The following KCTD4 variants were observed in gnomAD, a reference collection of about 807,000 sequenced individuals.
KCTD4 encodes the protein BTB/POZ domain-containing protein KCTD4.
Under a neutral mutation model 18.3 loss-of-function variants are expected in KCTD4, and 12 were observed. The observed-to-expected ratio is 0.66, with a 90% CI of 0.42 to 1.06. The LOEUF is 1.06. KCTD4 is among the 50% of genes least tolerant of loss of function. The pLI, the probability that KCTD4 is intolerant of heterozygous loss-of-function variation, is 0.00. For synonymous variants in KCTD4, 124 were observed against 110.5 expected (o/e 1.12, Z -0.76); for missense variants, 250 against 303.4 (o/e 0.82, Z 1.31).
chr13:45,198,662 A>G (rs530979888), intron 1 of KCTD4, among the ~76,000 whole-genome samples: 1 of 152,164 alleles, frequency 6.6e-6, no homozygotes, highest in African/African-American at 2.4e-5. Context: ...TTTTACTTAA[A>G]TCTGACAGTA....
intron 1 of KCTD4, among the ~76,000 whole-genome samples, chr13:45,198,820 A>G (rs950767656): frequency 3.3e-5 from 5 of 151,992 alleles, no homozygotes; most frequent in African/African-American, 4.8e-5. Flanking sequence ...CACTGAATGT[A>G]AGAAACATTC....
chr13:45,195,028 C>A (rs1424200872), intron 1 of KCTD4, among the ~76,000 whole-genome samples: 1 of 152,048 alleles, frequency 6.6e-6, no homozygotes, highest in African/African-American at 2.4e-5. Flanking sequence ...GATTTAGTGT[C>A]ATCTTTTTAA....
Position 45,193,515 on chromosome 13 carries a change from CAAAT to C in KCTD4, c.*269_*272del, listed in dbSNP as rs574459832. ...TCTGAATTGAAAGACAGCTTAAGGA[CAAAT>C]AAATAGCAAAAGCTTTCAGTCTTTA... On this transcript the variant is annotated 3_prime_UTR_variant, in exon 2 of 2. Coordinates refer to ENST00000379108, the MANE Select transcript of KCTD4 (RefSeq NM_198404.3). 1.2e-4 allele frequency: 39 copies of C among 331,200 alleles called. No homozygotes were observed. Among genetic ancestry groups the C allele is most frequent in the Non-Finnish European group, 2.0e-4 (36 of 182,758 alleles). 20.5% of individuals were successfully genotyped at this position (331,200 alleles called of 1,614,324 possible). A position where few individuals can be genotyped will look rare whatever the true frequency, so the allele number is the denominator to read the frequency against.
In KCTD4 at chr13:45,194,723, G is replaced by A. The variant is rs1593483931; in HGVS notation, c.-156C>T. 4.5e-6 allele frequency: 3 copies of A among 664,422 alleles called. No individual in the cohort carries two copies. In the East Asian group the frequency reaches 8.0e-5, roughly 18 times the overall value. The allele number at this position is 664,422 out of a possible 1,614,324, so 41.2% of individuals were successfully genotyped here. A position where few individuals can be genotyped will look rare whatever the true frequency, so the allele number is the denominator to read the frequency against. On this transcript the variant is annotated 5_prime_UTR_variant, in exon 2 of 2. Transcript: ENST00000379108. ...CGCTGTCAGCTCGGTTTTGCAGTAG[G>A]TGGCGTATCAGCCTATGTATGCAGG...
chr13:45,198,334 G>A (rs1873004584), intron 1 of KCTD4, among the ~76,000 whole-genome samples: 2 of 152,188 alleles, frequency 1.3e-5, no homozygotes, highest in Non-Finnish European at 1.5e-5. Context: ...CCATTTATAT[G>A]CCAGAGATAC....
In KCTD4 at chr13:45,193,697, G is replaced by T; in HGVS notation, c.*91C>A. On this transcript the variant is annotated 3_prime_UTR_variant, in exon 2 of 2. Coordinates refer to ENST00000379108, the MANE Select transcript of KCTD4 (RefSeq NM_198404.3). ...AGCAGGGCTCTGTAGTACAGAGCTA[G>T]CTGGGCATGTTATTTGGGATGTCTT... 1 of 1,193,706 alleles carries T rather than the reference G, an allele frequency of 8.4e-7. No homozygotes were observed. The highest frequency in any genetic ancestry group is 1.2e-6 in the Non-Finnish European group (1 of 840,160). 73.9% of individuals were successfully genotyped at this position (1,193,706 alleles called of 1,614,324 possible). A position where few individuals can be genotyped will look rare whatever the true frequency, so the allele number is the denominator to read the frequency against.
chr13:45,199,138 C>G (rs1028245519), intron 1 of KCTD4, among the ~76,000 whole-genome samples: 1 of 152,248 alleles, frequency 6.6e-6, no homozygotes, highest in Non-Finnish European at 1.5e-5. Context: ...GACGTAACCT[C>G]TGGCCACAAG....
chr13:45,200,719 A>G (rs1442236744), intron 1 of KCTD4, among the ~76,000 whole-genome samples, 105 bp downstream of exon 1: 1 of 152,208 alleles, frequency 6.6e-6, no homozygotes, highest in Non-Finnish European at 1.5e-5. Flanking sequence ...TTATTAGTAG[A>G]CCTCAACTCA....
At chr13:45,200,351 C>T (rs574467128) in intron 1 of KCTD4, among the ~76,000 whole-genome samples, 2 of 152,208 alleles carry the variant, frequency 1.3e-5, no homozygotes, top group Non-Finnish European at 2.9e-5. Context: ...GATACAGGGT[C>T]TTGCTCTGTC....
intron 1 of KCTD4, among the ~76,000 whole-genome samples, chr13:45,200,547 G>C (rs1204221694): frequency 6.6e-6 from 1 of 152,144 alleles, no homozygotes; most frequent in African/African-American, 2.4e-5. Context: ...TGCTGCCTCA[G>C]CCTCCCAAAG....
rs764757723 is a variant in KCTD4, at chr13:45,193,845, G to T, written c.723C>A (p.Ser241Arg). ...CAATTGACCCTTTGGAACAATCCAG[G>T]CTGGTCAGCAGTCTAAAGCCACACT... ...ALKCGFRLLT[S>R]LDCSKGSIVH... Residue 241 changes from serine (S) to arginine (R), a missense_variant, in exon 2 of 2, where the codon AGC becomes AGA. By Grantham distance (110) the Ser-to-Arg change is moderately radical. Transcript: ENST00000379108. 3.1e-6 allele frequency: 5 copies of T among 1,613,646 alleles called. No homozygotes were observed. In the African/African-American group the frequency reaches 5.3e-5, roughly 17 times the overall value.
chr13:45,195,666 C>T (rs1326427092), intron 1 of KCTD4, among the ~76,000 whole-genome samples: 1 of 152,138 alleles, frequency 6.6e-6, no homozygotes, highest in Non-Finnish European at 1.5e-5. Flanking sequence ...TCCCCTATAA[C>T]TTCCCTTCCA....
At position 45,194,468 on chromosome 13, in the gene KCTD4, G is replaced by T. The variant is rs756414460; in HGVS notation, c.100C>A (p.Leu34Met). Residue 34 changes from leucine (L) to methionine (M), a missense_variant, in exon 2 of 2, where the codon CTG becomes ATG. Physicochemically the swap from Leu to Met is conservative, Grantham distance 15. Coordinates refer to ENST00000379108, the MANE Select transcript of KCTD4 (RefSeq NM_198404.3). ...TDQGKNCKST[L>M]MTLNVGGYLY... ...TATCCACCAACGTTGAGGGTCATCA[G>T]TGTGGATTTGCAGTTCTTTCCTTGA... is the stretch of plus-strand genomic sequence containing the variant. 6.2e-7 allele frequency: 1 copy of T among 1,614,106 alleles called. No homozygotes were observed. Among genetic ancestry groups the T allele is most frequent in the Non-Finnish European group, 8.5e-7 (1 of 1,179,938 alleles).
At chr13:45,199,497 C>T (rs1873069829) in intron 1 of KCTD4, among the ~76,000 whole-genome samples, 1 of 145,836 alleles carries the variant, frequency 6.9e-6, no homozygotes, top group African/African-American at 2.5e-5. Context: ...AGAAGTCATA[C>T]CTTAAGTTTT....
intron 1 of KCTD4, among the ~76,000 whole-genome samples, chr13:45,195,846 AG>A (rs1872864994): frequency 6.6e-6 from 1 of 152,090 alleles, no homozygotes; most frequent in Non-Finnish European, 1.5e-5. Flanking sequence ...TGTAGAGACA[AG>A]TTTTTGCCAT....
chr13:45,198,030 C>T (rs554775129), intron 1 of KCTD4, among the ~76,000 whole-genome samples: 79 of 152,320 alleles, frequency 5.2e-4, no homozygotes, highest in African/African-American at 1.9e-3. Flanking sequence ...AGTACCTTAA[C>T]TCTTTATTAG....
Position 45,199,519 on chromosome 13 carries a change from G to GTT in KCTD4, c.-188+1303_-188+1304dup, listed in dbSNP as rs956095776. On this transcript the variant is annotated intron_variant, in intron 1 of 1. Transcript: ENST00000379108. ...ATACCTTAAGTTTTTTAAAAATGAAGTTTTTTTTTGAAATATAACCTGTGC... is the reference window on the plus strand; with the variant it reads ...ATACCTTAAGTTTTTTAAAAATGAAGTTTTTTTTTTTGAAATATAACCTGTGC... 2.6e-5 allele frequency among the ~76,000 whole-genome samples: 4 copies of GTT among 151,502 alleles called. No homozygotes were observed. In the East Asian group the frequency reaches 5.8e-4, roughly 22 times the overall value.
At position 45,194,729 on chromosome 13, in the gene KCTD4, T is replaced by C; in HGVS notation, c.-162A>G. The C allele has an allele frequency of 1.5e-6, 1 of 645,392 alleles. No homozygotes were observed. The highest frequency in any genetic ancestry group is 2.0e-5 in the South Asian group (1 of 51,074). The allele number at this position is 645,392 out of a possible 1,614,324, so 40.0% of individuals were successfully genotyped here. ...CAGCTCGGTTTTGCAGTAGGTGGCGTATCAGCCTATGTATGCAGGAGCTTT... is the reference window on the plus strand; with the variant it reads ...CAGCTCGGTTTTGCAGTAGGTGGCGCATCAGCCTATGTATGCAGGAGCTTT... On this transcript the variant is annotated 5_prime_UTR_variant, in exon 2 of 2. It adds an upstream start codon to the 5' untranslated region. Transcript: ENST00000379108.
In KCTD4 at chr13:45,200,813, T is replaced by G. The variant is rs1436379765; in HGVS notation, c.-188+11A>C. On this transcript the variant is annotated intron_variant, in intron 1 of 1. Coordinates refer to ENST00000379108, the MANE Select transcript of KCTD4 (RefSeq NM_198404.3). ...TAGGAATATTAAAAATGGTTTGCCT[T>G]TTAAATGTACCTGCTTCTTGAAAAG... Among the ~76,000 whole-genome samples, 1 of 152,236 alleles carries G rather than the reference T, an allele frequency of 6.6e-6. No individual in the cohort carries two copies. The highest frequency in any genetic ancestry group is 2.4e-5 in the African/African-American group (1 of 41,466).
Sources: allele counts gnomAD v4.1 joint callset (sites outside exome capture counted in the v4.1 genomes callset), GRCh38; gene constraint gnomAD v4.1.1; transcripts MANE v1.5; gene names NCBI Gene and HGNC (gene_info 2026-07-23, HGNC 2026-07-21).